The following SMYD3 variants were observed in gnomAD, a reference collection of about 807,000 sequenced individuals.
The protein encoded by SMYD3 is histone-lysine N-methyltransferase SMYD3.
SMYD3 carries 36 observed loss-of-function variants against 57.7 expected under a neutral mutation model. The observed-to-expected ratio is 0.62, with a 90% CI of 0.48 to 0.82. The LOEUF is 0.82. Ranked by LOEUF, SMYD3 falls within the 40% of genes least tolerant of loss-of-function variation. The probability of loss-of-function intolerance (pLI) is 0.00; values close to 1 mark genes in which losing one functional copy is unlikely to be tolerated. For synonymous variants in SMYD3, 211 were observed against 195.0 expected (o/e 1.08, Z -0.68); for missense variants, 515 against 538.8 (o/e 0.96, Z 0.44).
At chr1:246,107,200 T>C (rs1314916915) in intron 5 of SMYD3, among the ~76,000 whole-genome samples, 3 of 150,286 alleles carry the variant, frequency 2.0e-5, no homozygotes, top group African/African-American at 7.4e-5. Flanking sequence ...GGCAGGAGAA[T>C]GGTGTGAACC....
intron 5 of SMYD3, among the ~76,000 whole-genome samples, chr1:246,225,007 C>T (rs12022774): frequency 0.046 from 6,952 of 151,684 alleles, 439 homozygotes; most frequent in Admixed American, 0.18. Context: ...GCTGGACATA[C>T]GAACGGGAGC....
At chr1:246,469,046 T>C (rs1309880822) in intron 1 of SMYD3, among the ~76,000 whole-genome samples, 2 of 152,192 alleles carry the variant, frequency 1.3e-5, no homozygotes, top group Non-Finnish European at 2.9e-5. Flanking sequence ...GCCCATTCAG[T>C]ACCTCCACAT....
intron 5 of SMYD3, among the ~76,000 whole-genome samples, chr1:246,206,753 T>C (rs2063006544): frequency 6.6e-6 from 1 of 152,216 alleles, no homozygotes; most frequent in African/African-American, 2.4e-5. Context: ...AAGAGAGCAC[T>C]TTATATTTAA....
chr1:245,775,092 A>T (rs142938253), intron 10 of SMYD3, among the ~76,000 whole-genome samples: 14,293 of 146,268 alleles, frequency 0.098, 927 homozygotes, highest in East Asian at 0.4. Flanking sequence ...CCTCCCAAAG[A>T]GCCGAGATTG....
intron 1 of SMYD3, among the ~76,000 whole-genome samples, chr1:246,366,307 CA>C (rs1360581253): frequency 6.6e-6 from 1 of 152,074 alleles, no homozygotes; most frequent in Non-Finnish European, 1.5e-5. Context: ...ATTGTTTTTA[CA>C]TATTAAATGA....
At chr1:246,403,922 G>A (rs1177256051) in intron 1 of SMYD3, among the ~76,000 whole-genome samples, 2 of 152,194 alleles carry the variant, frequency 1.3e-5, no homozygotes, top group Non-Finnish European at 2.9e-5. Flanking sequence ...AAACGTCTCA[G>A]ATACCCTGAT....
chr1:245,902,447 G>T (rs1328325631), intron 8 of SMYD3, among the ~76,000 whole-genome samples: 1 of 152,188 alleles, frequency 6.6e-6, no homozygotes, highest in Non-Finnish European at 1.5e-5. Flanking sequence ...CCTATCTGGG[G>T]GCTGGAAGAT....
At chr1:245,879,179 C>T (rs942196322) in intron 8 of SMYD3, among the ~76,000 whole-genome samples, 1 of 152,184 alleles carries the variant, frequency 6.6e-6, no homozygotes, top group Non-Finnish European at 1.5e-5. Flanking sequence ...TTCCCATTTG[C>T]TTTATGCATT....
intron 8 of SMYD3, among the ~76,000 whole-genome samples, chr1:245,904,334 C>T (rs553241079): frequency 3.3e-5 from 5 of 152,282 alleles, no homozygotes; most frequent in African/African-American, 1.2e-4. Context: ...TTCCTGAGGC[C>T]TCCCTAACCA....
intron 1 of SMYD3, among the ~76,000 whole-genome samples, chr1:246,415,085 T>C (rs2067039744): frequency 6.6e-6 from 1 of 152,208 alleles, no homozygotes; most frequent in African/African-American, 2.4e-5. Context: ...CACAAAATAC[T>C]GCCTTAATTT....
chr1:246,421,501 G>C (rs2067142144), intron 1 of SMYD3, among the ~76,000 whole-genome samples: 2 of 151,996 alleles, frequency 1.3e-5, no homozygotes, highest in Admixed American at 1.3e-4. Context: ...ACCTTAAAAT[G>C]AAAGTTCTAA....
At position 245,973,648 on chromosome 1, in the gene SMYD3, G is replaced by C. The variant is rs934049765; in HGVS notation, c.532-43711C>G. Among the ~76,000 whole-genome samples the C allele has an allele frequency of 3.9e-5, 6 of 152,316 alleles. No homozygotes were observed. The South Asian group carries it at 1.0e-3, about 26-fold the overall frequency. On this transcript the variant is annotated intron_variant, in intron 5 of 11. Transcript: ENST00000490107. Reference sequence around the variant, plus strand: ...TATTTTCTCAGCGAAAAGAGTTCTAGTGCACCCATCAGTTGCTCTTGTAAC... The same window carrying C: ...TATTTTCTCAGCGAAAAGAGTTCTACTGCACCCATCAGTTGCTCTTGTAAC...
chr1:245,791,049 A>T (rs970784068), intron 10 of SMYD3, among the ~76,000 whole-genome samples: 4 of 152,100 alleles, frequency 2.6e-5, no homozygotes, highest in Non-Finnish European at 5.9e-5. Context: ...GGGAGAAAGG[A>T]GGAGGCCATG....
intron 10 of SMYD3, among the ~76,000 whole-genome samples, chr1:245,806,778 C>T (rs538301372): frequency 0.011 from 1,627 of 151,126 alleles, 34 homozygotes; most frequent in African/African-American, 0.037. Flanking sequence ...GGCGCGGTGG[C>T]GGGCGCCTGT....
At chr1:246,309,465 T>C (rs982218439) in intron 5 of SMYD3, among the ~76,000 whole-genome samples, 1 of 152,136 alleles carries the variant, frequency 6.6e-6, no homozygotes, top group African/African-American at 2.4e-5. Context: ...TGCCTGAAAA[T>C]GAATGCCCCT....
At chr1:246,053,359 A>G (rs1279532843) in intron 5 of SMYD3, among the ~76,000 whole-genome samples, 1 of 152,174 alleles carries the variant, frequency 6.6e-6, no homozygotes, top group East Asian at 1.9e-4. Flanking sequence ...AAGGCAAGTG[A>G]AAATAGCCAA....
chr1:246,279,141 T>C (rs958377973), intron 5 of SMYD3, among the ~76,000 whole-genome samples: 2 of 152,192 alleles, frequency 1.3e-5, no homozygotes, highest in African/African-American at 4.8e-5. Flanking sequence ...TACTCCCTTC[T>C]GTGGAGACAC....
intron 5 of SMYD3, among the ~76,000 whole-genome samples, chr1:245,997,638 C>T (rs1405161932): frequency 6.6e-6 from 1 of 152,138 alleles, no homozygotes; most frequent in Non-Finnish European, 1.5e-5. Context: ...TTCTCCAGGC[C>T]AGCAGGCTAT....
At chr1:245,841,349 T>C (rs556612388) in intron 10 of SMYD3, among the ~76,000 whole-genome samples, 1 of 152,362 alleles carries the variant, frequency 6.6e-6, no homozygotes, top group East Asian at 1.9e-4. Context: ...ATTTTTAGAC[T>C]ACTTCTGGTT....
Sources: gnomAD v4.1 joint callset for allele counts (sites outside exome capture counted in the v4.1 genomes callset) on GRCh38, gnomAD v4.1.1 for gene constraint, MANE v1.5 for transcripts, NCBI Gene and HGNC (gene_info 2026-07-23, HGNC 2026-07-21) for gene names.